The following SENP2 variants were observed in gnomAD, a reference collection of about 807,000 sequenced individuals.
SENP2 encodes SUMO specific peptidase 2, also known as sentrin-specific protease 2.
A neutral mutation model predicts 86.3 loss-of-function variants in SENP2; 16 were observed. That is an observed-to-expected ratio of 0.19 (90% confidence interval 0.13 to 0.28). The LOEUF is 0.28. SENP2 is among the 10% of genes least tolerant of loss of function. SENP2 has a pLI of 1.00. For missense variants in SENP2, 552 were observed against 703.0 expected, an observed-to-expected ratio of 0.79 and a Z score of 2.43; for synonymous variants, 222 against 238.7, an observed-to-expected ratio of 0.93 and a Z score of 0.64.
At chr3:185,622,414 G>A (rs575327184) in intron 14 of SENP2, among the ~76,000 whole-genome samples, 4 of 152,284 alleles carry the variant, frequency 2.6e-5, no homozygotes, top group South Asian at 2.1e-4. Flanking sequence ...GTGAGAAAAC[G>A]CATCAGTAAG....
rs1712352882 is a variant in SENP2 at position 185,630,208 on chromosome 3, G to A, written c.*364G>A. 1.6e-5 allele frequency: 3 copies of A among 191,658 alleles called. No homozygotes were observed. Among genetic ancestry groups the A allele is most frequent in the South Asian group, 1.3e-4 (1 of 7,436 alleles). 11.9% of individuals were successfully genotyped at this position (191,658 alleles called of 1,614,324 possible). The stretch of plus-strand genomic sequence containing the variant: ...GTTCAGCGTATTCATTCACTCACTC[G>A]TTTGCAAACATAATGGGCAGTGGTC... On this transcript the variant is annotated 3_prime_UTR_variant, in exon 17 of 17. Coordinates refer to ENST00000296257, the MANE Select transcript of SENP2 (RefSeq NM_021627.3).
chr3:185,620,937 G>A (rs1711837321), intron 13 of SENP2, among the ~76,000 whole-genome samples: 1 of 151,446 alleles, frequency 6.6e-6, no homozygotes, highest in Non-Finnish European at 1.5e-5. Context: ...CCAAGAGTTT[G>A]AGACCAGCCT....
At chr3:185,613,600 G>C (rs1722765496) in intron 10 of SENP2, 192 bp downstream of exon 10, 3 of 373,556 alleles carry the variant, frequency 8.0e-6, no homozygotes, top group Admixed American at 4.3e-5. Context: ...GGAGGCCAAG[G>C]CAGAAGGATC....
chr3:185,630,450 G>C lies in SENP2; in HGVS notation c.*606G>C, dbSNP rs774624412. On this transcript the variant is annotated 3_prime_UTR_variant, in exon 17 of 17. Transcript: ENST00000296257. ...GTTTTTTTGAGGCTCAAAAAATGCTGGGAGAAATGAAAATGCTGTGGGATA... is the reference window on the plus strand; with the variant it reads ...GTTTTTTTGAGGCTCAAAAAATGCTCGGAGAAATGAAAATGCTGTGGGATA... 2 of 153,638 alleles carry C rather than the reference G, an allele frequency of 1.3e-5. No individual in the cohort carries two copies. Among genetic ancestry groups the C allele is most frequent in the African/African-American group, 4.8e-5 (2 of 41,424 alleles). The allele number at this position is 153,638 out of a possible 1,614,324, so 9.5% of individuals were successfully genotyped here.
intron 13 of SENP2, among the ~76,000 whole-genome samples, chr3:185,620,296 T>C (rs2121840): frequency 0.72 from 109,171 of 152,030 alleles, 40,500 homozygotes; most frequent in African/African-American, 0.91. Context: ...AAGCTAGTCT[T>C]GAGCTCCTGG....
chr3:185,590,192 A>G, intron 2 of SENP2, 23 bp downstream of exon 2: 1 of 1,389,646 alleles, frequency 7.2e-7, no homozygotes, highest in African/African-American at 1.5e-5. Context: ...AATTTTAAAA[A>G]TTTTTAGTTT....
At chr3:185,629,700 T>G (rs1476246596) in intron 16 of SENP2, 82 bp from the exon 17 acceptor site, 2 of 1,348,120 alleles carry the variant, frequency 1.5e-6, no homozygotes, top group Non-Finnish European at 1.1e-6. Context: ...ACATCCTGCT[T>G]TATTACATGA....
chr3:185,591,643 G>A (rs898029262), intron 2 of SENP2, among the ~76,000 whole-genome samples: 1 of 152,086 alleles, frequency 6.6e-6, no homozygotes, highest in Non-Finnish European at 1.5e-5. Context: ...GAGCCCCCGC[G>A]CCTGGCCCTA....
At chr3:185,620,606 T>C (rs889097038) in intron 13 of SENP2, among the ~76,000 whole-genome samples, 3 of 151,858 alleles carry the variant, frequency 2.0e-5, no homozygotes, top group Non-Finnish European at 1.5e-5. Flanking sequence ...CCACCATACC[T>C]GGCTAATTTT....
chr3:185,632,399 T>G lies in SENP2; in HGVS notation c.*2555T>G, dbSNP rs1414876392. ...ACAGGTGCCCACCACCACACCCTGC[T>G]AATTTTTGTACTTTTAGTAGAGATG... On this transcript the variant is annotated 3_prime_UTR_variant, in exon 17 of 17. Transcript: ENST00000296257. The G allele has an allele frequency of 6.6e-6, 1 of 150,952 alleles. No individual in the cohort carries two copies. The allele number at this position is 150,952 out of a possible 1,614,324, so 9.4% of individuals were successfully genotyped here. A position where few individuals can be genotyped will look rare whatever the true frequency, so the allele number is the denominator to read the frequency against.
intron 16 of SENP2, among the ~76,000 whole-genome samples, chr3:185,626,654 TC>T (rs1275007006): frequency 1.3e-5 from 2 of 151,798 alleles, no homozygotes; most frequent in South Asian, 4.2e-4. Context: ...ATGCCTATAA[TC>T]CCAGCTACTC....
At chr3:185,609,199 A>T in intron 6 of SENP2, 48 bp from the exon 7 acceptor site, 1 of 1,339,480 alleles carries the variant, frequency 7.5e-7, no homozygotes, top group Non-Finnish European at 1.1e-6. Flanking sequence ...CCTTTTAATT[A>T]TAAATTTAAT....
chr3:185,613,861 T>G (rs1008209613), intron 10 of SENP2, among the ~76,000 whole-genome samples: 4 of 150,748 alleles, frequency 2.7e-5, no homozygotes, highest in Non-Finnish European at 3.0e-5. Flanking sequence ...CAGGAAGCAT[T>G]GAAAATACAC....
At chr3:185,595,964 C>CTAATTTATT (rs1722160026) in intron 2 of SENP2, among the ~76,000 whole-genome samples, 1 of 151,930 alleles carries the variant, frequency 6.6e-6, no homozygotes, top group African/African-American at 2.4e-5. Context: ...CCAGGCCCAG[C>CTAATTTATT]TAATTTATTT....
At chr3:185,601,260 G>C (rs981086726) in intron 5 of SENP2, among the ~76,000 whole-genome samples, 13 of 151,900 alleles carry the variant, frequency 8.6e-5, no homozygotes, top group African/African-American at 2.9e-4. Context: ...GGCCAGGCTG[G>C]TCTCGAACTC....
intron 2 of SENP2, among the ~76,000 whole-genome samples, chr3:185,593,769 C>A (rs1722085388): frequency 1.4e-5 from 2 of 147,428 alleles, no homozygotes. Flanking sequence ...TTTCTCGTTG[C>A]CCAAGCTGCA....
chr3:185,619,272 A>G (rs1553840226), intron 12 of SENP2, 27 bp from the exon 13 acceptor site: 1 of 1,527,350 alleles, frequency 6.5e-7, no homozygotes, highest in South Asian at 1.1e-5. Context: ...GCCATGTTCC[A>G]GCTTTTGCTC....
chr3:185,614,960 G>T lies in SENP2; in HGVS notation c.1110+220G>T, dbSNP rs143677699. Among the ~76,000 whole-genome samples the T allele has an allele frequency of 6.1e-3, 930 of 152,282 alleles. 6 individuals carry two copies. The highest frequency in any genetic ancestry group is 0.021 in the African/African-American group (881 of 41,548). ...ATCAGATTGATATTCAGCAAATGGG[G>T]AGTCGACACAGTCATCTCATATCTT... On this transcript the variant is annotated intron_variant, in intron 11 of 16. Transcript: ENST00000296257.
At chr3:185,599,809 CT>C (rs63047860) in intron 4 of SENP2, among the ~76,000 whole-genome samples, 35,513 of 131,706 alleles carry the variant, frequency 0.27, 3,996 homozygotes, top group African/African-American at 0.37. Flanking sequence ...TTCTTTCTTT[CT>C]TTTTTTTTTT....
Sources: gnomAD v4.1 joint callset for allele counts (sites outside exome capture counted in the v4.1 genomes callset) on GRCh38, gnomAD v4.1.1 for gene constraint, MANE v1.5 for transcripts, NCBI Gene and HGNC (gene_info 2026-07-23, HGNC 2026-07-21) for gene names.